The following FAM131A variants were observed in gnomAD, a reference collection of about 807,000 sequenced individuals.
FAM131A encodes family with sequence similarity 131 member A.
FAM131A carries 24 observed loss-of-function variants against 39.2 expected under a neutral mutation model. That is an observed-to-expected ratio of 0.61 (90% CI 0.44 to 0.86). The LOEUF is 0.86. Ranked by LOEUF, FAM131A falls within the 40% of genes least tolerant of loss-of-function variation. FAM131A has a pLI of 0.00. For synonymous variants in FAM131A, 202 were observed against 206.8 expected (o/e 0.98, Z 0.20); for missense variants, 373 against 481.2 (o/e 0.78, Z 2.10).
chr3:184,337,653 G>C lies in FAM131A; in HGVS notation c.23G>C (p.Gly8Ala), dbSNP rs1259638909. Residue 8 changes from glycine (G) to alanine (A), a missense_variant, in exon 1 of 6, where the codon GGC (glycine) becomes GCC (alanine). This residue lies in a region of FAM131A where 221 missense variants were observed against 347.7 expected (regional missense o/e 0.64). Coordinates refer to ENST00000383847, the MANE Select transcript of FAM131A (RefSeq NM_144635.5). MPMISVL[G>A]KMFLWQREGP... is the part of the protein sequence containing the mutation. Reference sequence around the variant, plus strand: ...AGCATGCCTATGATTTCTGTGCTGGGCAAAATGTTTCTGTGGCAGCGTGAA... The same window carrying C: ...AGCATGCCTATGATTTCTGTGCTGGCCAAAATGTTTCTGTGGCAGCGTGAA... 1.3e-6 allele frequency: 2 copies of C among 1,537,264 alleles called. No homozygotes were observed. Among genetic ancestry groups the C allele is most frequent in the Non-Finnish European group, 1.7e-6 (2 of 1,146,924 alleles).
upstream of FAM131A, chr3:184,336,149 T>C (rs1001446165): frequency 6.6e-6 from 1 of 151,548 alleles, no homozygotes; most frequent in South Asian, 2.1e-4. The surrounding 1 kb of genome is among the most constrained non-coding windows in gnomAD (Gnocchi z 5.5). Flanking sequence ...CGGGTACGGG[T>C]TGGGGAGTCG....
chr3:184,341,866 G>A (rs373794061), intron 3 of FAM131A, 49 bp downstream of exon 3: 60 of 1,592,138 alleles, frequency 3.8e-5, no homozygotes, highest in Middle Eastern at 1.7e-4. Context: ...TTCTCCTCCC[G>A]TTTGCACATC....
In FAM131A at chr3:184,337,674, G is replaced by C; in HGVS notation, c.44G>C (p.Arg15Pro). ...CTGGGCAAAATGTTTCTGTGGCAGC[G>C]TGAAGGGCCTGGAGGACGATGGACT... is the stretch of plus-strand genomic sequence containing the variant. ...SVLGKMFLWQ[R>P]EGPGGRWTCQ... Residue 15 changes from arginine (R) to proline (P), a missense_variant, in exon 1 of 6, where the codon CGT becomes CCT. Arg to Pro is a moderately radical substitution (Grantham distance 103). Coordinates refer to ENST00000383847, the MANE Select transcript of FAM131A (RefSeq NM_144635.5). 6.5e-7 allele frequency: 1 copy of C among 1,537,274 alleles called. No homozygotes were observed. The highest frequency in any genetic ancestry group is 8.7e-7 in the Non-Finnish European group (1 of 1,146,920).
At position 184,344,682 on chromosome 3, in the gene FAM131A, G is replaced by C; in HGVS notation, c.813G>C (p.Leu271=). The C allele has an allele frequency of 6.2e-7, 1 of 1,612,556 alleles. No individual in the cohort carries two copies. Among genetic ancestry groups the C allele is most frequent in the Non-Finnish European group, 8.5e-7 (1 of 1,179,854 alleles). ...EDGLLGSPAR[L]ASQLLGDELL... ...GGTTGTTGGGCTCCCCGGCCCGGCT[G>C]GCCTCCCAGCTGCTGGGCGATGAGC... The change falls in exon 6 of 6, where the codon CTG becomes CTC. Residue 271 remains leucine (L), a synonymous_variant. Transcript: ENST00000383847.
At chr3:184,338,581 G>T (rs1272526979) in intron 2 of FAM131A, 52 bp downstream of exon 2, 1 of 1,518,498 alleles carries the variant, frequency 6.6e-7, no homozygotes, top group Admixed American at 2.1e-5. Context: ...ATATAAAGGG[G>T]ATCTGCAGCC....
chr3:184,339,583 CCAGAGTAGCT>C (rs1268359162), intron 2 of FAM131A: 2 of 152,310 alleles, frequency 1.3e-5, no homozygotes, highest in African/African-American at 4.8e-5. Context: ...GCCTCAGCCT[CCAGAGTAGCT>C]GGGATTACAG....
chr3:184,343,073 A>T, intron 5 of FAM131A: 3 of 280,098 alleles, frequency 1.1e-5, no homozygotes, highest in Non-Finnish European at 1.3e-5. Flanking sequence ...CCTTTCCCAC[A>T]GGTGCTGAGG....
rs1727593544 is a variant in FAM131A, at chr3:184,345,332, TG to T, written c.*365del. The T allele has an allele frequency of 4.8e-6, 2 of 416,880 alleles. No individual in the cohort carries two copies. Among genetic ancestry groups the T allele is most frequent in the East Asian group, 8.8e-5 (2 of 22,624 alleles). The allele number at this position is 416,880 out of a possible 1,614,324, so 25.8% of individuals were successfully genotyped here. On this transcript the variant is annotated 3_prime_UTR_variant, in exon 6 of 6. Transcript: ENST00000383847. ...GTGACTGGGCTGTGTGAGGGTGGGG[TG>T]GGAGGGGGCCCAGCAACCCCCCACC...
chr3:184,345,144 G>GGCTGGGCTGGGGGCGCATGT lies in FAM131A; in HGVS notation c.*175_*194dup. The stretch of plus-strand genomic sequence containing the variant: ...TGAAAGTGTTTGGAGAGGAGGCAGG[G>GGCTGGGCTGGGGGCGCATGT]GCTGGGCTGGGGGCGCATGTCCTGC... On this transcript the variant is annotated 3_prime_UTR_variant, in exon 6 of 6. Coordinates refer to ENST00000383847, the MANE Select transcript of FAM131A (RefSeq NM_144635.5). 1.4e-6 allele frequency: 1 copy of GGCTGGGCTGGGGGCGCATGT among 707,842 alleles called. No homozygotes were observed. Among genetic ancestry groups the GGCTGGGCTGGGGGCGCATGT allele is most frequent in the Non-Finnish European group, 2.3e-6 (1 of 444,326 alleles). 43.8% of individuals were successfully genotyped at this position (707,842 alleles called of 1,614,324 possible).
rs1447455318 is a variant in FAM131A at position 184,345,388 on chromosome 3, C to T, written c.*418C>T. 8.1e-6 allele frequency: 5 copies of T among 619,290 alleles called. No homozygotes were observed. The highest frequency in any genetic ancestry group is 7.4e-5 in the African/African-American group (4 of 53,946). The allele number at this position is 619,290 out of a possible 1,614,324, so 38.4% of individuals were successfully genotyped here. ...CCATGCCTCTCTCTTCTCTGCTTTT[C>T]TTCTCACTTCCGAGTCCATGTGCAG... On this transcript the variant is annotated 3_prime_UTR_variant, in exon 6 of 6. Coordinates refer to ENST00000383847, the MANE Select transcript of FAM131A (RefSeq NM_144635.5).
Position 184,345,787 on chromosome 3 carries a change from G to A in FAM131A, c.*817G>A. 1 of 579,750 alleles carries A rather than the reference G, an allele frequency of 1.7e-6. No individual in the cohort carries two copies. Among genetic ancestry groups the A allele is most frequent in the Non-Finnish European group, 3.0e-6 (1 of 329,560 alleles). The allele number at this position is 579,750 out of a possible 1,614,324, so 35.9% of individuals were successfully genotyped here. A position where few individuals can be genotyped will look rare whatever the true frequency, so the allele number is the denominator to read the frequency against. On this transcript the variant is annotated 3_prime_UTR_variant, in exon 6 of 6. Transcript: ENST00000383847. ...TCTCTGAGCGGGAGGTGGAAGAAAG[G>A]ATGGCTCTGGTTGCCACAGAGCTGG...
At chr3:184,344,215 C>G (rs1011811713) in intron 5 of FAM131A, among the ~76,000 whole-genome samples, 2 of 152,150 alleles carry the variant, frequency 1.3e-5, no homozygotes, top group Admixed American at 6.5e-5. Flanking sequence ...GAACTCCTGA[C>G]CTCAGGTGAT....
Position 184,342,689 on chromosome 3 carries a change from C to G in FAM131A, c.509-55C>G. On this transcript the variant is annotated intron_variant, in intron 4 of 5. Transcript: ENST00000383847. This position sits in a 1 kb window ranked among gnomAD's most constrained non-coding sequence, Gnocchi z 4.6. Reference sequence around the variant, plus strand: ...GTTTCTCCTCTCTCCTGTCTTCAAGCTGAGCCCTAGACTTAGCTCACCTTC... The same window carrying G: ...GTTTCTCCTCTCTCCTGTCTTCAAGGTGAGCCCTAGACTTAGCTCACCTTC... The G allele has an allele frequency of 6.7e-7, 1 of 1,487,830 alleles. No individual in the cohort carries two copies. The highest frequency in any genetic ancestry group is 2.3e-5 in the East Asian group (1 of 43,774). The allele number at this position is 1,487,830 out of a possible 1,614,324, so 92.2% of individuals were successfully genotyped here. A position where few individuals can be genotyped will look rare whatever the true frequency, so the allele number is the denominator to read the frequency against.
intron 1 of FAM131A, 49 bp downstream of exon 1, chr3:184,337,767 G>C: frequency 6.6e-7 from 1 of 1,506,716 alleles, no homozygotes; most frequent in Non-Finnish European, 8.9e-7. Context: ...GGGAAGCTGA[G>C]CAGTAGGGTG....
chr3:184,342,667 TCTC>T lies in FAM131A; in HGVS notation c.509-73_509-71del. Reference sequence around the variant, plus strand: ...GGTTGGAGTCTTCCCATACCCTGTTTCTCCTCTCTCCTGTCTTCAAGCTGAGCC... The same window carrying T: ...GGTTGGAGTCTTCCCATACCCTGTTTCTCTCTCCTGTCTTCAAGCTGAGCC... On this transcript the variant is annotated intron_variant, in intron 4 of 5. Transcript: ENST00000383847. This position sits in a 1 kb window ranked among gnomAD's most constrained non-coding sequence, Gnocchi z 4.6. 1 of 1,315,874 alleles carries T rather than the reference TCTC, an allele frequency of 7.6e-7. No individual in the cohort carries two copies. The allele number at this position is 1,315,874 out of a possible 1,614,324, so 81.5% of individuals were successfully genotyped here.
rs779732170 is a variant in FAM131A at position 184,345,469 on chromosome 3, A to G, written c.*499A>G. ...GCTGGCTCCTGCCCTCCCGGAGCCT[A>G]TGGGTTGAGCCGTCCCTCAAGGGCC... On this transcript the variant is annotated 3_prime_UTR_variant, in exon 6 of 6. Transcript: ENST00000383847. The G allele has an allele frequency of 4.9e-5, 34 of 700,270 alleles. 1 individual carries two copies. The highest frequency in any genetic ancestry group is 2.3e-4 in the Middle Eastern group (1 of 4,338). 43.4% of individuals were successfully genotyped at this position (700,270 alleles called of 1,614,324 possible). A position where few individuals can be genotyped will look rare whatever the true frequency, so the allele number is the denominator to read the frequency against.
chr3:184,336,943 C>T (rs536226561), upstream of FAM131A, among the ~76,000 whole-genome samples: 145 of 152,312 alleles, frequency 9.5e-4, no homozygotes, highest in African/African-American at 3.3e-3. The surrounding 1 kb of genome is among the most constrained non-coding windows in gnomAD (Gnocchi z 5.5). Context: ...GATTTCTCCA[C>T]GCATAAGGCA....
In FAM131A at chr3:184,342,682, C is replaced by A; in HGVS notation, c.509-62C>A. 3 of 1,459,840 alleles carry A rather than the reference C, an allele frequency of 2.1e-6. No individual in the cohort carries two copies. The highest frequency in any genetic ancestry group is 2.4e-5 in the South Asian group (2 of 84,980). The allele number at this position is 1,459,840 out of a possible 1,614,324, so 90.4% of individuals were successfully genotyped here. A position where few individuals can be genotyped will look rare whatever the true frequency, so the allele number is the denominator to read the frequency against. ...ATACCCTGTTTCTCCTCTCTCCTGT[C>A]TTCAAGCTGAGCCCTAGACTTAGCT... is the stretch of plus-strand genomic sequence containing the variant. On this transcript the variant is annotated intron_variant, in intron 4 of 5. Coordinates refer to ENST00000383847, the MANE Select transcript of FAM131A (RefSeq NM_144635.5). This position sits in a 1 kb window ranked among gnomAD's most constrained non-coding sequence, Gnocchi z 4.6.
In FAM131A at chr3:184,345,687, T is replaced by A; in HGVS notation, c.*717T>A. ...GCCCCCTAATGGGGCCTGGGCCCTT[T>A]CCCAACCCCTCCTAGGATGTGCGGG... On this transcript the variant is annotated 3_prime_UTR_variant, in exon 6 of 6. Transcript: ENST00000383847. 1 of 644,052 alleles carries A rather than the reference T, an allele frequency of 1.6e-6. No homozygotes were observed. Among genetic ancestry groups the A allele is most frequent in the Non-Finnish European group, 2.8e-6 (1 of 361,816 alleles). The allele number at this position is 644,052 out of a possible 1,614,324, so 39.9% of individuals were successfully genotyped here.
Sources: gnomAD v4.1 joint callset for allele counts (sites outside exome capture counted in the v4.1 genomes callset) on GRCh38, gnomAD v4.1.1 for gene constraint, gnomAD v4.1.1 regional missense constraint, Gnocchi (gnomAD v3.1) non-coding constraint, MANE v1.5 for transcripts, NCBI Gene and HGNC (gene_info 2026-07-23, HGNC 2026-07-21) for gene names.